The following ARRB1 variants were observed in gnomAD, a reference collection of about 807,000 sequenced individuals.
The protein encoded by ARRB1 is arrestin beta 1.
A neutral mutation model predicts 56.8 loss-of-function variants in ARRB1; 21 were observed. The ratio of observed to expected loss-of-function variants is 0.37; its 90% CI spans 0.26 to 0.53. The LOEUF is 0.53. Ranked by LOEUF, ARRB1 falls within the 20% of genes least tolerant of loss-of-function variation. The probability of loss-of-function intolerance (pLI) is 0.88; values close to 1 mark genes in which losing one functional copy is unlikely to be tolerated. For synonymous variants in ARRB1, 210 were observed against 218.6 expected (o/e 0.96, Z 0.35); for missense variants, 424 against 553.7 (o/e 0.77, Z 2.35).
intron 1 of ARRB1, among the ~76,000 whole-genome samples, chr11:75,300,293 G>T (rs1377650794): frequency 6.6e-6 from 1 of 151,690 alleles, no homozygotes; most frequent in Non-Finnish European, 1.5e-5. Context: ...ACTGCTGTAA[G>T]TGAGTTACAA....
chr11:75,328,699 A>C (rs966975747), intron 1 of ARRB1, among the ~76,000 whole-genome samples: 5 of 152,232 alleles, frequency 3.3e-5, no homozygotes, highest in Non-Finnish European at 7.3e-5. Context: ...CTGAAGCTGC[A>C]GAGGCCTGGA....
intron 1 of ARRB1, chr11:75,312,227 C>T (rs1456157015): frequency 1.0e-5 from 11 of 1,090,276 alleles, no homozygotes; most frequent in East Asian, 5.9e-5. Flanking sequence ...GGGAAATGCA[C>T]CGCCAGGAAC....
At chr11:75,328,523 C>A (rs1374802266) in intron 1 of ARRB1, among the ~76,000 whole-genome samples, 3 of 152,182 alleles carry the variant, frequency 2.0e-5, no homozygotes, top group Non-Finnish European at 4.4e-5. Flanking sequence ...AAGCCCCTGC[C>A]GCCCAAATGA....
At chr11:75,324,783 A>G (rs140083169) in intron 1 of ARRB1, among the ~76,000 whole-genome samples, 29 of 152,242 alleles carry the variant, frequency 1.9e-4, no homozygotes, top group Middle Eastern at 6.8e-3. Flanking sequence ...AAGTTCTGGA[A>G]GGTTCTAACT....
At chr11:75,268,865 C>T (rs1226419569) in intron 14 of ARRB1, 24 bp downstream of exon 14, 3 of 1,605,936 alleles carry the variant, frequency 1.9e-6, no homozygotes, top group Non-Finnish European at 1.7e-6. Context: ...ACCCCTACCC[C>T]AGAGACCTAC....
intron 2 of ARRB1, among the ~76,000 whole-genome samples, chr11:75,287,903 C>T (rs1240401969): frequency 1.3e-5 from 2 of 152,200 alleles, no homozygotes; most frequent in African/African-American, 2.4e-5. Flanking sequence ...GCTCTTGTTG[C>T]CCGGCCTGGA....
chr11:75,314,373 GC>G (rs140234723), intron 1 of ARRB1, among the ~76,000 whole-genome samples: 1 of 152,274 alleles, frequency 6.6e-6, no homozygotes, highest in East Asian at 1.9e-4. Context: ...TCCCAGGGAT[GC>G]CCCCCCTCCA....
intron 10 of ARRB1, 76 bp downstream of exon 10, chr11:75,276,763 C>A: frequency 1.3e-6 from 2 of 1,486,144 alleles, no homozygotes; most frequent in South Asian, 2.3e-5. Flanking sequence ...CCACCTGGAC[C>A]TGTAACAGGA....
In ARRB1 at chr11:75,274,226, A is replaced by C; in HGVS notation, c.777-15T>G. The C allele has an allele frequency of 6.2e-7, 1 of 1,613,606 alleles. No homozygotes were observed. The highest frequency in any genetic ancestry group is 8.5e-7 in the Non-Finnish European group (1 of 1,179,602). On this transcript the variant is annotated splice_polypyrimidine_tract_variant and intron_variant, in intron 10 of 15. Coordinates refer to ENST00000420843, the MANE Select transcript of ARRB1 (RefSeq NM_004041.5). Reference sequence around the variant, plus strand: ...CCACAGTGTCACTGGGAAGAAAGGAAGCAGCTGTGGAGATGGCCCTCCCCA... The same window carrying C: ...CCACAGTGTCACTGGGAAGAAAGGACGCAGCTGTGGAGATGGCCCTCCCCA...
At chr11:75,313,820 G>A (rs1565135265) in intron 1 of ARRB1, among the ~76,000 whole-genome samples, 1 of 152,204 alleles carries the variant, frequency 6.6e-6, no homozygotes, top group Non-Finnish European at 1.5e-5. Flanking sequence ...CTAGTAAGCA[G>A]TGGAGTCTGG....
In ARRB1 at chr11:75,263,094, C is replaced by T. The variant is rs1945834937; in HGVS notation, c.*3069G>A. Among the ~76,000 whole-genome samples, 1 of 152,212 alleles carries T rather than the reference C, an allele frequency of 6.6e-6. No individual in the cohort carries two copies. The highest frequency in any genetic ancestry group is 2.4e-5 in the African/African-American group (1 of 41,444). Reference sequence around the variant, plus strand: ...AAGTCCCAGTGACGGATGGCTTGGCCAGTGCAGGCCCCAAACACTTGGCAG... The same window carrying T: ...AAGTCCCAGTGACGGATGGCTTGGCTAGTGCAGGCCCCAAACACTTGGCAG... On this transcript the variant is annotated 3_prime_UTR_variant, in exon 16 of 16. Transcript: ENST00000420843.
At chr11:75,314,164 C>T (rs551493400) in intron 1 of ARRB1, among the ~76,000 whole-genome samples, 32 of 152,342 alleles carry the variant, frequency 2.1e-4, no homozygotes, top group Non-Finnish European at 4.0e-4. Flanking sequence ...CAGCCTGGGG[C>T]CCCACTAACA....
In ARRB1 at chr11:75,268,091, G is replaced by T. The variant is rs770898906; in HGVS notation, c.1094-388C>A. On this transcript the variant is annotated intron_variant, in intron 14 of 15. Transcript: ENST00000420843. ...CTCCAAATTTGGAGTGTGTCTTACC[G>T]TCGATGGCACTGCACAGTTTAACCA... 2.6e-5 allele frequency among the ~76,000 whole-genome samples: 4 copies of T among 151,996 alleles called. No homozygotes were observed. In the South Asian group the frequency reaches 8.3e-4, roughly 32 times the overall value.
At chr11:75,292,482 G>A (rs1241292989) in intron 1 of ARRB1, among the ~76,000 whole-genome samples, 1 of 152,190 alleles carries the variant, frequency 6.6e-6, no homozygotes, top group Non-Finnish European at 1.5e-5. Context: ...GTGTGAAGAT[G>A]CCACAGTCAG....
Position 75,260,878 on chromosome 11 carries a change from AG to A in ARRB1, c.*5284del, listed in dbSNP as rs1382591817. 1 of 152,128 alleles carries A rather than the reference AG, an allele frequency of 6.6e-6. No homozygotes were observed. Among genetic ancestry groups the A allele is most frequent in the Non-Finnish European group, 1.5e-5 (1 of 68,018 alleles). 9.4% of individuals were successfully genotyped at this position (152,128 alleles called of 1,614,324 possible). On this transcript the variant is annotated 3_prime_UTR_variant, in exon 16 of 16. Transcript: ENST00000420843. Reference sequence around the variant, plus strand: ...CCTCCCTGAGTCTGTCTTTTATGTGAGCCAAGATTTCCATCCATCCGGCGCT... The same window carrying A: ...CCTCCCTGAGTCTGTCTTTTATGTGACCAAGATTTCCATCCATCCGGCGCT...
chr11:75,268,759 C>A (rs1449924252), intron 14 of ARRB1, 130 bp downstream of exon 14: 3 of 959,194 alleles, frequency 3.1e-6, no homozygotes, highest in African/African-American at 3.3e-5. Flanking sequence ...AGTTCTGGAC[C>A]CCACAAAAGA....
At chr11:75,333,991 G>T (rs767729009) in intron 1 of ARRB1, among the ~76,000 whole-genome samples, 2 of 152,136 alleles carry the variant, frequency 1.3e-5, no homozygotes, top group Non-Finnish European at 2.9e-5. Context: ...AGTCCCAGGA[G>T]CAGGAAAGGC....
At position 75,263,168 on chromosome 11, in the gene ARRB1, C is replaced by A. The variant is rs1485667475; in HGVS notation, c.*2995G>T. ...GGTGCCTGGGGCCTAGTGAGGCTCC[C>A]CCACCCCTAGTTTCACTTCAAGGTA... On this transcript the variant is annotated 3_prime_UTR_variant, in exon 16 of 16. Coordinates refer to ENST00000420843, the MANE Select transcript of ARRB1 (RefSeq NM_004041.5). 6.6e-6 allele frequency among the ~76,000 whole-genome samples: 1 copy of A among 152,206 alleles called. No homozygotes were observed. The highest frequency in any genetic ancestry group is 1.5e-5 in the Non-Finnish European group (1 of 68,028).
rs1946567414 is a variant in ARRB1, at chr11:75,290,004, C to T, written c.51+5G>A. ...AGGCGCTGGGCGCAGCTGTTACAGA[C>T]TCACCTTTCCATTTGGACTGGCCTT... On this transcript the variant is annotated splice_donor_5th_base_variant and intron_variant, in intron 2 of 15. Coordinates refer to ENST00000420843, the MANE Select transcript of ARRB1 (RefSeq NM_004041.5). 6.2e-7 allele frequency: 1 copy of T among 1,614,102 alleles called. No individual in the cohort carries two copies. Among genetic ancestry groups the T allele is most frequent in the Admixed American group, 1.7e-5 (1 of 60,006 alleles).
Sources: gnomAD v4.1 joint callset for allele counts (sites outside exome capture counted in the v4.1 genomes callset) on GRCh38, gnomAD v4.1.1 for gene constraint, MANE v1.5 for transcripts, NCBI Gene and HGNC (gene_info 2026-07-23, HGNC 2026-07-21) for gene names.